The following DCT variants were observed in gnomAD, a reference collection of about 807,000 sequenced individuals.
DCT encodes L-dopachrome tautomerase.
DCT carries 47 observed loss-of-function variants against 53.0 expected under a neutral mutation model. That is an observed-to-expected ratio of 0.89 (90% confidence interval 0.70 to 1.13). DCT has a LOEUF of 1.13. DCT is among the 50% of genes most tolerant of loss of function. The pLI is 0.00. For synonymous variants in DCT, 244 were observed against 237.0 expected (o/e 1.03, Z -0.27); for missense variants, 669 against 637.4 (o/e 1.05, Z -0.53).
At chr13:94,529,090 C>T in the DCT span, among the ~76,000 whole-genome samples, 6 of 152,196 alleles carry the variant, frequency 3.9e-5, no homozygotes, top group African/African-American at 1.4e-4. Context: ...GAAGAGCTAA[C>T]TATCCTAAAC....
At chr13:94,503,626 T>A in the DCT span, among the ~76,000 whole-genome samples, 4 of 152,256 alleles carry the variant, frequency 2.6e-5, no homozygotes, top group African/African-American at 7.2e-5. Flanking sequence ...ATTGCAGTGA[T>A]ACTGTCACAA....
At position 94,474,183 on chromosome 13, in the gene DCT, T is replaced by C. The variant is rs529933384; in HGVS notation, c.295+4778A>G. ...CTAGATAATATCAATCTATCGACCA[T>C]TGAGTATGTCCTTCAGTGAAAATTA... On this transcript the variant is annotated intron_variant, in intron 1 of 7. Transcript: ENST00000377028. Among the ~76,000 whole-genome samples, 5 of 152,218 alleles carry C rather than the reference T, an allele frequency of 3.3e-5. No individual in the cohort carries two copies. In the South Asian group the frequency reaches 6.2e-4, roughly 19 times the overall value.
the DCT span, among the ~76,000 whole-genome samples, chr13:94,547,595 G>T: frequency 1.3e-5 from 2 of 151,900 alleles, no homozygotes; most frequent in African/African-American, 4.8e-5. Context: ...CAGACCTCAG[G>T]TTGTCTGAAA....
the DCT span, among the ~76,000 whole-genome samples, chr13:94,522,675 C>T: frequency 6.6e-6 from 1 of 152,162 alleles, no homozygotes; most frequent in Non-Finnish European, 1.5e-5. Flanking sequence ...GCTTTGGAGC[C>T]TACAGGGTAT....
chr13:94,504,279 T>A, the DCT span, among the ~76,000 whole-genome samples: 1 of 152,256 alleles, frequency 6.6e-6, no homozygotes, highest in Non-Finnish European at 1.5e-5. Flanking sequence ...TAGATTCTTG[T>A]TACCTGTTAG....
the DCT span, among the ~76,000 whole-genome samples, chr13:94,491,650 G>A: frequency 6.6e-6 from 1 of 152,192 alleles, no homozygotes; most frequent in Admixed American, 6.5e-5. Context: ...GGATTAGAAG[G>A]AGAGTTGGTA....
At chr13:94,450,314 G>C (rs1882994446) in intron 6 of DCT, among the ~76,000 whole-genome samples, 1 of 151,656 alleles carries the variant, frequency 6.6e-6, no homozygotes, top group South Asian at 2.1e-4. Context: ...AACCACGGAA[G>C]AGAAAAAAAA....
the DCT span, among the ~76,000 whole-genome samples, chr13:94,485,000 T>C: frequency 6.6e-6 from 1 of 152,110 alleles, no homozygotes; most frequent in Non-Finnish European, 1.5e-5. Context: ...TAACTACACA[T>C]TTGGTTGACC....
rs569019326 is a variant in DCT at position 94,447,393 on chromosome 13, C to T, written c.1180-3756G>A. Among the ~76,000 whole-genome samples the T allele has an allele frequency of 1.5e-4, 23 of 152,300 alleles. No individual in the cohort carries two copies. In the South Asian group the frequency reaches 4.8e-3, roughly 32 times the overall value. On this transcript the variant is annotated intron_variant, in intron 6 of 7. Coordinates refer to ENST00000377028, the MANE Select transcript of DCT (RefSeq NM_001922.5). ...CAGGTGCAGTTCATGATAGGGTTTG[C>T]ACTCTTATGAGAATCTAATGCTGCT...
the DCT span, among the ~76,000 whole-genome samples, chr13:94,513,508 A>G: frequency 1.1e-4 from 16 of 152,268 alleles, no homozygotes; most frequent in African/African-American, 2.9e-4. Flanking sequence ...TTCAGAAACA[A>G]TATATGAAAC....
the DCT span, among the ~76,000 whole-genome samples, chr13:94,532,869 C>A: frequency 3.3e-5 from 5 of 152,284 alleles, no homozygotes; most frequent in African/African-American, 7.2e-5. Context: ...TTTTTGTGAC[C>A]TTTCTCCCCC....
chr13:94,459,053 G>T (rs60671674), intron 6 of DCT, among the ~76,000 whole-genome samples: 44,775 of 151,532 alleles, frequency 0.3, 6,790 homozygotes, highest in Non-Finnish European at 0.32. Context: ...ATTTGTAAAG[G>T]TTTTTGGTAG....
the DCT span, among the ~76,000 whole-genome samples, chr13:94,543,931 A>G: frequency 6.6e-6 from 1 of 151,858 alleles, no homozygotes; most frequent in East Asian, 1.9e-4. Flanking sequence ...GCTACTCAGG[A>G]GACTGAGGCA....
At chr13:94,529,474 G>A in the DCT span, among the ~76,000 whole-genome samples, 2 of 152,138 alleles carry the variant, frequency 1.3e-5, no homozygotes, top group Non-Finnish European at 2.9e-5. Flanking sequence ...TTAGAACTGA[G>A]GATTAATAAA....
the DCT span, among the ~76,000 whole-genome samples, chr13:94,489,138 A>G: frequency 6.6e-6 from 1 of 152,150 alleles, no homozygotes; most frequent in Non-Finnish European, 1.5e-5. Flanking sequence ...TTCATTCTAT[A>G]TTTTTGTACA....
the DCT span, among the ~76,000 whole-genome samples, chr13:94,507,517 T>G: frequency 2.0e-5 from 3 of 151,746 alleles, no homozygotes; most frequent in Non-Finnish European, 2.9e-5. Flanking sequence ...TTTTTTTTTT[T>G]TGAGACAGTG....
the DCT span, among the ~76,000 whole-genome samples, chr13:94,519,561 G>A: frequency 6.6e-6 from 1 of 152,190 alleles, no homozygotes; most frequent in Non-Finnish European, 1.5e-5. Context: ...TTTCAGCATG[G>A]CCACTGTAAA....
At chr13:94,491,589 C>G in the DCT span, among the ~76,000 whole-genome samples, 1 of 152,156 alleles carries the variant, frequency 6.6e-6, no homozygotes, top group Non-Finnish European at 1.5e-5. Flanking sequence ...AACTCAAATA[C>G]TCATTCTCTT....
chr13:94,508,607 T>G, the DCT span, among the ~76,000 whole-genome samples: 1 of 152,158 alleles, frequency 6.6e-6, no homozygotes, highest in African/African-American at 2.4e-5. Context: ...AGTTTCCAAT[T>G]GGAGGAGAAA....
Sources: gnomAD v4.1 joint callset for allele counts (sites outside exome capture counted in the v4.1 genomes callset) on GRCh38, gnomAD v4.1.1 for gene constraint, MANE v1.5 for transcripts, NCBI Gene and HGNC (gene_info 2026-07-23, HGNC 2026-07-21) for gene names.